Variants in STRBP observed in about 807,000 individuals in gnomAD.
STRBP encodes spermatid perinuclear RNA binding protein.
Under a neutral mutation model 80.1 loss-of-function variants are expected in STRBP, and 13 were observed. The ratio of observed to expected loss-of-function variants is 0.16; its 90% confidence interval spans 0.11 to 0.26. The LOEUF (loss-of-function observed/expected upper bound fraction) is 0.26, where lower values mean the gene tolerates loss of function less well. Ranked by LOEUF, STRBP falls within the 10% of genes least tolerant of loss-of-function variation. The pLI is 1.00. For synonymous variants in STRBP, 284 were observed against 291.2 expected (o/e 0.98, Z 0.25); for missense variants, 485 against 815.2 (o/e 0.59, Z 4.93).
intron 2 of STRBP, among the ~76,000 whole-genome samples, chr9:123,184,547 A>G (rs944973712): frequency 6.6e-6 from 1 of 152,188 alleles, no homozygotes; most frequent in Non-Finnish European, 1.5e-5. Flanking sequence ...TCAATGAGAT[A>G]AATACATTTG....
chr9:123,174,379 A>G (rs2038131850), intron 4 of STRBP, among the ~76,000 whole-genome samples: 1 of 152,246 alleles, frequency 6.6e-6, no homozygotes, highest in African/African-American at 2.4e-5. Flanking sequence ...TTGAGGCTGC[A>G]CTGAACCATG....
At chr9:123,137,605 G>A (rs1175139147) in intron 14 of STRBP, among the ~76,000 whole-genome samples, 1 of 151,926 alleles carries the variant, frequency 6.6e-6, no homozygotes, top group African/African-American at 2.4e-5. Flanking sequence ...ACAGGGTATC[G>A]CCACGTTGGC....
intron 1 of STRBP, among the ~76,000 whole-genome samples, chr9:123,255,040 A>G (rs964081112): frequency 1.3e-5 from 2 of 152,238 alleles, no homozygotes; most frequent in East Asian, 3.8e-4. Context: ...TAAAAAGTGT[A>G]CACAATTATC....
chr9:123,256,253 A>G (rs1439024170), intron 1 of STRBP, among the ~76,000 whole-genome samples: 1 of 151,948 alleles, frequency 6.6e-6, no homozygotes, highest in Non-Finnish European at 1.5e-5. Context: ...TCCTGAGCTC[A>G]ACTGATCCTC....
intron 2 of STRBP, among the ~76,000 whole-genome samples, chr9:123,207,844 A>G (rs949421555): frequency 1.6e-4 from 25 of 152,364 alleles, no homozygotes; most frequent in African/African-American, 5.3e-4. Flanking sequence ...ACATTAGAAT[A>G]TGAGAGAGAT....
At chr9:123,191,137 C>G (rs1278816582) in intron 2 of STRBP, among the ~76,000 whole-genome samples, 1 of 152,010 alleles carries the variant, frequency 6.6e-6, no homozygotes, top group Non-Finnish European at 1.5e-5. Flanking sequence ...GTGTGAAATG[C>G]TTGGAAAAGA....
intron 8 of STRBP, 112 bp downstream of exon 8, chr9:123,160,255 T>C: frequency 1.7e-6 from 1 of 604,948 alleles, no homozygotes. Context: ...ACATACATAA[T>C]GCATGCCTTA....
In STRBP at chr9:123,125,490, ATT is replaced by A; in HGVS notation, c.*105_*106del. On this transcript the variant is annotated 3_prime_UTR_variant, in exon 19 of 19. Coordinates refer to ENST00000348403, the MANE Select transcript of STRBP (RefSeq NM_018387.5). ...GTAGGAAAGATGTTCTTTACAAATAATTTTGATCAAGTATGTGTTCAAAGAAA... is the reference window on the plus strand; with the variant it reads ...GTAGGAAAGATGTTCTTTACAAATAATTGATCAAGTATGTGTTCAAAGAAA... The A allele has an allele frequency of 7.5e-7, 1 of 1,326,172 alleles. No individual in the cohort carries two copies. Among genetic ancestry groups the A allele is most frequent in the Non-Finnish European group, 9.7e-7 (1 of 1,030,194 alleles). The allele number at this position is 1,326,172 out of a possible 1,614,324, so 82.2% of individuals were successfully genotyped here. A position where few individuals can be genotyped will look rare whatever the true frequency, so the allele number is the denominator to read the frequency against.
intron 2 of STRBP, chr9:123,213,591 G>A (rs1393981162): frequency 6.6e-6 from 1 of 152,172 alleles, no homozygotes; most frequent in African/African-American, 2.4e-5. Context: ...TGACTTACCT[G>A]AGATCAAGCA....
intron 2 of STRBP, among the ~76,000 whole-genome samples, chr9:123,188,410 G>A (rs1588069538): frequency 6.6e-6 from 1 of 152,276 alleles, no homozygotes; most frequent in East Asian, 1.9e-4. Flanking sequence ...GGGAGCCCGA[G>A]GCAGGCGGAT....
intron 6 of STRBP, among the ~76,000 whole-genome samples, chr9:123,161,647 T>C (rs1313880260): frequency 2.0e-5 from 3 of 152,190 alleles, no homozygotes; most frequent in Non-Finnish European, 4.4e-5. Flanking sequence ...AAGTATCAGT[T>C]TGGAATTCCC....
intron 17 of STRBP, among the ~76,000 whole-genome samples, chr9:123,128,886 G>A (rs2036010530): frequency 6.6e-6 from 1 of 152,188 alleles, no homozygotes; most frequent in Non-Finnish European, 1.5e-5. Flanking sequence ...AAATGCTGGT[G>A]AATTTGACAT....
At chr9:123,192,668 T>A (rs1166611754) in intron 2 of STRBP, among the ~76,000 whole-genome samples, 1 of 152,198 alleles carries the variant, frequency 6.6e-6, no homozygotes, top group African/African-American at 2.4e-5. Context: ...ACTACAGATA[T>A]CTAATAATTC....
At chr9:123,155,944 T>C (rs1047869523) in intron 11 of STRBP, among the ~76,000 whole-genome samples, 2 of 151,846 alleles carry the variant, frequency 1.3e-5, no homozygotes, top group African/African-American at 4.8e-5. Flanking sequence ...AAGCACAAAA[T>C]GGTAAAGTGA....
chr9:123,257,130 T>C (rs1028607427), intron 1 of STRBP, among the ~76,000 whole-genome samples: 1 of 152,090 alleles, frequency 6.6e-6, no homozygotes, highest in Admixed American at 6.6e-5. Context: ...TCTCCAAACT[T>C]ACGCTCTGCT....
At chr9:123,205,886 C>G (rs1261953208) in intron 2 of STRBP, among the ~76,000 whole-genome samples, 2 of 152,114 alleles carry the variant, frequency 1.3e-5, no homozygotes, top group African/African-American at 4.8e-5. Flanking sequence ...TTCACAAACT[C>G]CTTTTAAAAC....
Position 123,110,534 on chromosome 9 carries a change from T to C in STRBP, c.*85-781A>G, listed in dbSNP as rs990982874. ...TGAAAGGCCTGAGTCCAAGGATGCT[T>C]TGGGGAAAACGGGATAAACACTGCT... On this transcript the variant is annotated intron_variant and NMD_transcript_variant, in intron 3 of 3. Coordinates refer to the STRBP transcript ENST00000471564. This position sits in a 1 kb window ranked among gnomAD's most constrained non-coding sequence, Gnocchi z 4.1. The C allele has an allele frequency of 1.2e-5, 2 of 169,286 alleles. No homozygotes were observed. The highest frequency in any genetic ancestry group is 4.8e-5 in the African/African-American group (2 of 41,474). The allele number at this position is 169,286 out of a possible 1,614,324, so 10.5% of individuals were successfully genotyped here. A position where few individuals can be genotyped will look rare whatever the true frequency, so the allele number is the denominator to read the frequency against.
chr9:123,111,117 T>C (rs1290147174), intron 3 of STRBP: 1 of 167,250 alleles, frequency 6.0e-6, no homozygotes, highest in Non-Finnish European at 1.5e-5. Context: ...CCAGCTGCCA[T>C]CACTACCTTG....
intron 1 of STRBP, among the ~76,000 whole-genome samples, chr9:123,246,432 C>T (rs933106778): frequency 3.3e-5 from 5 of 152,196 alleles, no homozygotes; most frequent in African/African-American, 4.8e-5. Context: ...GATGTAGAGT[C>T]GCTCACATTT....
Sources: allele counts gnomAD v4.1 joint callset (sites outside exome capture counted in the v4.1 genomes callset), GRCh38; gene constraint gnomAD v4.1.1; non-coding constraint Gnocchi (gnomAD v3.1); transcripts MANE v1.5; gene names NCBI Gene and HGNC (gene_info 2026-07-23, HGNC 2026-07-21).